ZDHHC14: variants seen among roughly 807,000 people sequenced by gnomAD.
ZDHHC14 encodes the protein zDHHC palmitoyltransferase 14.
A neutral mutation model predicts 47.7 loss-of-function variants in ZDHHC14; 16 were observed. The observed-to-expected ratio is 0.34, with a 90% CI of 0.23 to 0.51. ZDHHC14 has a LOEUF of 0.51. Among genes scored for constraint, ZDHHC14 ranks in the 20% least tolerant of loss-of-function variants. ZDHHC14 has a pLI of 0.97. For missense variants in ZDHHC14, 515 were observed against 662.5 expected (o/e 0.78, Z 2.44); for synonymous variants, 293 against 278.9 (o/e 1.05, Z -0.50).
chr6:157,411,157 G>A lies in ZDHHC14; in HGVS notation c.245+28891G>A, dbSNP rs554610444. On this transcript the variant is annotated intron_variant, in intron 1 of 8. Coordinates refer to ENST00000359775, the MANE Select transcript of ZDHHC14 (RefSeq NM_024630.3). ...CTGAATCAGAATCCTAGGGCTTAGG[G>A]TGAGGTGGTAGGGGTAGTGATGAAA... Among the ~76,000 whole-genome samples the A allele has an allele frequency of 5.4e-4, 82 of 152,288 alleles. 2 individuals are homozygous for A. The Middle Eastern group carries it at 0.024, about 44-fold the overall frequency.
chr6:157,669,019 A>C (rs916958587), intron 8 of ZDHHC14, among the ~76,000 whole-genome samples: 3 of 152,238 alleles, frequency 2.0e-5, no homozygotes, highest in African/African-American at 7.2e-5. Context: ...AGGCTGTGTA[A>C]GTAAAGGAGC....
At chr6:157,538,145 A>G (rs1781608311) in intron 1 of ZDHHC14, among the ~76,000 whole-genome samples, 4 of 152,176 alleles carry the variant, frequency 2.6e-5, no homozygotes, top group Admixed American at 6.5e-5. Context: ...GGCTGGTGGA[A>G]CGGGACTGTC....
At chr6:157,460,057 C>CAAAAAAAAAAA (rs35995673) in intron 1 of ZDHHC14, among the ~76,000 whole-genome samples, 1 of 118,192 alleles carries the variant, frequency 8.5e-6, no homozygotes, top group Non-Finnish European at 1.7e-5. Context: ...ACTAAAAATA[C>CAAAAAAAAAAA]AAAAAAAAAA....
intron 3 of ZDHHC14, among the ~76,000 whole-genome samples, chr6:157,614,474 G>A (rs1784880158): frequency 6.6e-6 from 1 of 152,080 alleles, no homozygotes; most frequent in African/African-American, 2.4e-5. Flanking sequence ...AGTTCAAGGG[G>A]AAGAAAAGCC....
At chr6:157,608,697 C>T (rs1009702418) in intron 3 of ZDHHC14, among the ~76,000 whole-genome samples, 1 of 152,118 alleles carries the variant, frequency 6.6e-6, no homozygotes, top group African/African-American at 2.4e-5. Context: ...ACCTTATAAG[C>T]CACGCAAAAG....
At chr6:157,408,970 A>G (rs2114755508) in intron 1 of ZDHHC14, among the ~76,000 whole-genome samples, 1 of 152,198 alleles carries the variant, frequency 6.6e-6, no homozygotes, top group East Asian at 1.9e-4. Context: ...ATCTCTGGCG[A>G]TTGCATCTGA....
At chr6:157,633,841 CG>C (rs1776835684) in intron 5 of ZDHHC14, among the ~76,000 whole-genome samples, 1 of 152,024 alleles carries the variant, frequency 6.6e-6, no homozygotes, top group African/African-American at 2.4e-5. Context: ...TTAGTAGAGA[CG>C]GGGTTTCACC....
chr6:157,511,531 C>A (rs1780484936), intron 1 of ZDHHC14, among the ~76,000 whole-genome samples: 1 of 145,892 alleles, frequency 6.9e-6, no homozygotes. Context: ...CAGGCATGCG[C>A]CACGAAGCCC....
At chr6:157,471,560 T>C (rs1779356063) in intron 1 of ZDHHC14, among the ~76,000 whole-genome samples, 1 of 152,186 alleles carries the variant, frequency 6.6e-6, no homozygotes, top group Admixed American at 6.5e-5. Flanking sequence ...GAAGACGTTA[T>C]CACAGGAGGG....
At chr6:157,484,152 G>T (rs1021191945) in intron 1 of ZDHHC14, among the ~76,000 whole-genome samples, 3 of 151,490 alleles carry the variant, frequency 2.0e-5, no homozygotes, top group African/African-American at 7.3e-5. Context: ...GAGGGTAGGG[G>T]GTGCGGGGAG....
At chr6:157,604,065 T>A (rs922105094) in intron 3 of ZDHHC14, among the ~76,000 whole-genome samples, 10 of 152,180 alleles carry the variant, frequency 6.6e-5, no homozygotes, top group African/African-American at 2.2e-4. Flanking sequence ...GGCATGCAGA[T>A]GGCTTGAGCC....
intron 5 of ZDHHC14, among the ~76,000 whole-genome samples, chr6:157,645,295 C>T (rs1224919742): frequency 6.6e-6 from 1 of 152,108 alleles, no homozygotes; most frequent in African/African-American, 2.4e-5. Flanking sequence ...CATTCAGAAG[C>T]CAAAATTAGA....
At chr6:157,416,393 T>C (rs1777971885) in intron 1 of ZDHHC14, among the ~76,000 whole-genome samples, 2 of 152,096 alleles carry the variant, frequency 1.3e-5, no homozygotes, top group African/African-American at 2.4e-5. Context: ...CTGGATGCAG[T>C]GTCTCACGCC....
rs562007704 is a variant in ZDHHC14 at position 157,530,777 on chromosome 6, G to A, written c.246-11808G>A. Among the ~76,000 whole-genome samples the A allele has an allele frequency of 3.3e-5, 5 of 152,188 alleles. No homozygotes were observed. In the South Asian group the frequency reaches 1.0e-3, roughly 32 times the overall value. On this transcript the variant is annotated intron_variant, in intron 1 of 8. Transcript: ENST00000359775. ...GGAAACAACATTGTTTAGTGAGTTTGTGGGTGAAATAGCTTAGCCTTCTGC... is the reference window on the plus strand; with the variant it reads ...GGAAACAACATTGTTTAGTGAGTTTATGGGTGAAATAGCTTAGCCTTCTGC...
At chr6:157,588,968 C>T (rs2114885676) in intron 2 of ZDHHC14, among the ~76,000 whole-genome samples, 1 of 152,196 alleles carries the variant, frequency 6.6e-6, no homozygotes, top group East Asian at 1.9e-4. Flanking sequence ...TCTTTGGCTG[C>T]AGATTCCCAT....
At chr6:157,439,812 T>A (rs1427459607) in intron 1 of ZDHHC14, among the ~76,000 whole-genome samples, 1 of 152,180 alleles carries the variant, frequency 6.6e-6, no homozygotes, top group Non-Finnish European at 1.5e-5. Flanking sequence ...ATATATACCA[T>A]GGAATACTAT....
chr6:157,542,570 C>A lies in ZDHHC14; in HGVS notation c.246-15C>A, dbSNP rs1258767541. On this transcript the variant is annotated splice_polypyrimidine_tract_variant and intron_variant, in intron 1 of 8. Coordinates refer to ENST00000359775, the MANE Select transcript of ZDHHC14 (RefSeq NM_024630.3). ...TCTTTTCCCCTTCTCTCCGGTCTGT[C>A]CAACCTGTCGGCAGCTGTCCGTACC... 2.5e-6 allele frequency: 4 copies of A among 1,613,554 alleles called. No individual in the cohort carries two copies. The African/African-American group carries it at 4.0e-5, about 16-fold the overall frequency.
At chr6:157,672,678 C>A (rs759945844) in intron 8 of ZDHHC14, 46 bp from the exon 9 acceptor site, 1 of 1,362,554 alleles carries the variant, frequency 7.3e-7, no homozygotes, top group South Asian at 1.2e-5. Flanking sequence ...CCCACCTCTG[C>A]CCCCTCCTCT....
intron 1 of ZDHHC14, among the ~76,000 whole-genome samples, chr6:157,540,910 GTATATATA>G (rs1554264587): frequency 1.6e-5 from 2 of 122,992 alleles, no homozygotes; most frequent in African/African-American, 4.3e-5. Flanking sequence ...GTGTGTGTGT[GTATATATA>G]TATATATATA....
Sources: gnomAD v4.1 joint callset for allele counts (sites outside exome capture counted in the v4.1 genomes callset) on GRCh38, gnomAD v4.1.1 for gene constraint, MANE v1.5 for transcripts, NCBI Gene and HGNC (gene_info 2026-07-23, HGNC 2026-07-21) for gene names.